ZBTB2: variants seen among roughly 807,000 people sequenced by gnomAD.
ZBTB2 encodes the protein zinc finger and BTB domain-containing protein 2.
Under a neutral mutation model 39.5 loss-of-function variants are expected in ZBTB2, and 2 were observed. That is an observed-to-expected ratio of 0.05 (90% CI 0.02 to 0.16). The LOEUF is 0.16. Ranked by LOEUF, ZBTB2 falls within the 10% of genes least tolerant of loss-of-function variation. The pLI is 1.00. For missense variants in ZBTB2, 391 were observed against 653.0 expected (o/e 0.60, Z 4.37); for synonymous variants, 251 against 256.6 (o/e 0.98, Z 0.21).
intron 1 of ZBTB2, among the ~76,000 whole-genome samples, chr6:151,380,952 A>G (rs1379524385): frequency 6.6e-6 from 1 of 152,186 alleles, no homozygotes. Context: ...AACCAGGTAC[A>G]CAAATCTGCT....
chr6:151,379,063 A>T (rs913379466), intron 1 of ZBTB2, among the ~76,000 whole-genome samples: 1 of 152,186 alleles, frequency 6.6e-6, no homozygotes, highest in Non-Finnish European at 1.5e-5. Context: ...TTTTAAATTA[A>T]TATTATTATT....
At chr6:151,388,382 C>A (rs990568159) in intron 1 of ZBTB2, among the ~76,000 whole-genome samples, 1 of 152,174 alleles carries the variant, frequency 6.6e-6, no homozygotes, top group Non-Finnish European at 1.5e-5. Context: ...CTGCTGATCC[C>A]AGGCCGATGC....
At chr6:151,381,268 C>T (rs1475793719) in intron 1 of ZBTB2, among the ~76,000 whole-genome samples, 1 of 152,212 alleles carries the variant, frequency 6.6e-6, no homozygotes, top group South Asian at 2.1e-4. Flanking sequence ...CGCCTGTAAT[C>T]CCAGCACTTT....
At chr6:151,376,948 T>C (rs192773933) in intron 1 of ZBTB2, among the ~76,000 whole-genome samples, 61 of 152,268 alleles carry the variant, frequency 4.0e-4, no homozygotes, top group African/African-American at 1.4e-3. Flanking sequence ...AACTCAGATG[T>C]CCTTCAATGA....
intron 1 of ZBTB2, among the ~76,000 whole-genome samples, chr6:151,379,871 C>T (rs1778994073): frequency 6.6e-6 from 1 of 151,986 alleles, no homozygotes; most frequent in Non-Finnish European, 1.5e-5. Flanking sequence ...TTATTTCCTT[C>T]AATATAGCAA....
chr6:151,364,276 C>CGAAG lies in ZBTB2; in HGVS notation c.*1244_*1245insCTTC, dbSNP rs1331812567. The CGAAG allele has an allele frequency of 1.3e-5, 2 of 152,598 alleles. No homozygotes were observed. The highest frequency in any genetic ancestry group is 4.8e-5 in the African/African-American group (2 of 41,440). The allele number at this position is 152,598 out of a possible 1,614,324, so 9.5% of individuals were successfully genotyped here. A position where few individuals can be genotyped will look rare whatever the true frequency, so the allele number is the denominator to read the frequency against. On this transcript the variant is annotated 3_prime_UTR_variant, in exon 3 of 3. Transcript: ENST00000325144. Reference sequence around the variant, plus strand: ...TCCCCTTCTCCTTCAGTCCTTACTTCTGGCTCCTGTTTTGTCTTGTGAGGC... The same window carrying CGAAG: ...TCCCCTTCTCCTTCAGTCCTTACTTCGAAGTGGCTCCTGTTTTGTCTTGTGAGGC...
At chr6:151,391,172 C>T (rs1463479229) in intron 1 of ZBTB2, among the ~76,000 whole-genome samples, 2 of 151,554 alleles carry the variant, frequency 1.3e-5, no homozygotes, top group Non-Finnish European at 2.9e-5. Flanking sequence ...CAGGCGCAGC[C>T]GCCGCCGCCC....
At chr6:151,387,379 C>T (rs1033898035) in intron 1 of ZBTB2, among the ~76,000 whole-genome samples, 3 of 147,596 alleles carry the variant, frequency 2.0e-5, no homozygotes, top group Non-Finnish European at 4.5e-5. Flanking sequence ...TTTGTCAACA[C>T]AGCGGAAAAG....
chr6:151,388,064 C>CT (rs1344518634), intron 1 of ZBTB2, among the ~76,000 whole-genome samples: 5 of 126,776 alleles, frequency 3.9e-5, no homozygotes, highest in African/African-American at 1.9e-4. Flanking sequence ...AGAATGTTTA[C>CT]ATTTTTTTTT....
intron 1 of ZBTB2, among the ~76,000 whole-genome samples, chr6:151,384,803 C>A (rs1462900588): frequency 6.6e-6 from 1 of 152,134 alleles, no homozygotes; most frequent in Admixed American, 6.6e-5. Flanking sequence ...TTCAGAAAAA[C>A]CATGTCCTTA....
intron 1 of ZBTB2, among the ~76,000 whole-genome samples, chr6:151,382,137 A>C (rs1159674392): frequency 6.6e-6 from 1 of 152,244 alleles, no homozygotes; most frequent in Non-Finnish European, 1.5e-5. Context: ...AAACAGCTAA[A>C]CACAAAAAAC....
At chr6:151,371,943 C>A (rs1778796485) in intron 2 of ZBTB2, among the ~76,000 whole-genome samples, 1 of 152,126 alleles carries the variant, frequency 6.6e-6, no homozygotes, top group African/African-American at 2.4e-5. Context: ...CGGAGAAGGC[C>A]TAATTCAGTA....
intron 1 of ZBTB2, among the ~76,000 whole-genome samples, chr6:151,390,406 C>G (rs1219759045): frequency 6.7e-6 from 1 of 150,316 alleles, no homozygotes; most frequent in Non-Finnish European, 1.5e-5. Flanking sequence ...GCACTCCGGC[C>G]GCGTTGCACG....
Position 151,380,471 on chromosome 6 carries a change from C to T in ZBTB2, c.-12-6822G>A, listed in dbSNP as rs925017489. 2.6e-5 allele frequency among the ~76,000 whole-genome samples: 4 copies of T among 152,216 alleles called. No individual in the cohort carries two copies. The East Asian group carries it at 5.8e-4, about 22-fold the overall frequency. The stretch of plus-strand genomic sequence containing the variant: ...TGAGGCTTAACTGGCCCAAAATACG[C>T]CAGCTAGGGCCCTGGCATCCTCGTG... On this transcript the variant is annotated intron_variant, in intron 1 of 2. Transcript: ENST00000325144.
chr6:151,387,044 G>C (rs1779172581), intron 1 of ZBTB2, among the ~76,000 whole-genome samples: 1 of 152,134 alleles, frequency 6.6e-6, no homozygotes, highest in African/African-American at 2.4e-5. Flanking sequence ...TTTTGGTTGA[G>C]TAGTGAAGAA....
At chr6:151,388,753 T>C (rs1582926314) in intron 1 of ZBTB2, among the ~76,000 whole-genome samples, 1 of 152,232 alleles carries the variant, frequency 6.6e-6, no homozygotes, top group African/African-American at 2.4e-5. Flanking sequence ...AAGTTTAAGA[T>C]ATAAAAGCAG....
In ZBTB2 at chr6:151,366,993, A is replaced by G; in HGVS notation, c.174-101T>C. ...AATGCTTAAAAACAAAGGAAACAACATTTCCTATCCTTGATTTTTAGTAAG... is the reference window on the plus strand; with the variant it reads ...AATGCTTAAAAACAAAGGAAACAACGTTTCCTATCCTTGATTTTTAGTAAG... On this transcript the variant is annotated intron_variant, in intron 2 of 2. Coordinates refer to ENST00000325144, the MANE Select transcript of ZBTB2 (RefSeq NM_020861.3). This position sits in a 1 kb window ranked among gnomAD's most constrained non-coding sequence, Gnocchi z 7.1. 8.2e-7 allele frequency: 1 copy of G among 1,215,454 alleles called. No homozygotes were observed. Among genetic ancestry groups the G allele is most frequent in the Non-Finnish European group, 1.1e-6 (1 of 882,792 alleles). The allele number at this position is 1,215,454 out of a possible 1,614,324, so 75.3% of individuals were successfully genotyped here. A position where few individuals can be genotyped will look rare whatever the true frequency, so the allele number is the denominator to read the frequency against.
chr6:151,370,545 A>G (rs1241087845), intron 2 of ZBTB2, among the ~76,000 whole-genome samples: 2 of 152,232 alleles, frequency 1.3e-5, no homozygotes, highest in Non-Finnish European at 2.9e-5. Context: ...TTGTACTTAG[A>G]AAGGCCTCTC....
intron 1 of ZBTB2, among the ~76,000 whole-genome samples, chr6:151,379,652 A>G (rs927230297): frequency 4.6e-5 from 7 of 151,120 alleles, no homozygotes; most frequent in Middle Eastern, 3.4e-3. Flanking sequence ...AAAAAAAAAA[A>G]AAAAAAAAGA....
Sources: allele counts gnomAD v4.1 joint callset (sites outside exome capture counted in the v4.1 genomes callset), GRCh38; gene constraint gnomAD v4.1.1; non-coding constraint Gnocchi (gnomAD v3.1); transcripts MANE v1.5; gene names NCBI Gene and HGNC (gene_info 2026-07-23, HGNC 2026-07-21).